MALRD1: variants seen among roughly 807,000 people sequenced by gnomAD.
MALRD1 encodes the protein MAM and LDL-receptor class A domain-containing protein 1.
In MALRD1, 247 loss-of-function variants were observed where a neutral mutation model predicts 242.1. The observed-to-expected ratio is 1.02, with a 90% CI of 0.92 to 1.13. The LOEUF is 1.13. MALRD1 is among the 50% of genes most tolerant of loss of function. The pLI, the probability that MALRD1 is intolerant of heterozygous loss-of-function variation, is 0.00. For synonymous variants in MALRD1, 995 were observed against 866.6 expected, an observed-to-expected ratio of 1.15 and a Z score of -2.60; for missense variants, 2,989 against 2,533.1, an observed-to-expected ratio of 1.18 and a Z score of -3.86.
At position 19,389,508 on chromosome 10, in the gene MALRD1, T is replaced by G; in HGVS notation, c.4744T>G (p.Phe1582Val). 2.6e-6 allele frequency: 4 copies of G among 1,550,628 alleles called. No homozygotes were observed. The highest frequency in any genetic ancestry group is 3.5e-6 in the Non-Finnish European group (4 of 1,146,946). ...AVGLRGDKAHFRSTMWRESSA... is the reference protein window; with the variant it reads ...AVGLRGDKAHVRSTMWRESSA... ...GGGCCTTCGGGGTGACAAAGCACAC[T>G]TCAGGAGTACCATGTGGCGAGAATC... is the stretch of plus-strand genomic sequence containing the variant. The change falls in exon 28 of 40, where the codon TTC becomes GTC. Residue 1582 changes from phenylalanine (F) to valine (V), a missense_variant. Coordinates refer to ENST00000454679, the MANE Select transcript of MALRD1 (RefSeq NM_001142308.3).
chr10:19,392,640 G>T (rs1360814872), intron 28 of MALRD1, among the ~76,000 whole-genome samples: 1 of 152,086 alleles, frequency 6.6e-6, no homozygotes, highest in Non-Finnish European at 1.5e-5. Flanking sequence ...TTTCATTAGA[G>T]AGATGTAACT....
At chr10:19,161,888 C>T (rs549957816) in intron 12 of MALRD1, among the ~76,000 whole-genome samples, 8 of 152,070 alleles carry the variant, frequency 5.3e-5, no homozygotes, top group East Asian at 1.9e-4. Flanking sequence ...ATTAGCTGGG[C>T]GTGGTAGCAC....
intron 13 of MALRD1, among the ~76,000 whole-genome samples, chr10:19,167,834 A>G (rs943220613): frequency 3.1e-4 from 47 of 152,286 alleles, no homozygotes; most frequent in African/African-American, 1.0e-3. Flanking sequence ...AGTAACAGCA[A>G]TGTTACTACA....
intron 38 of MALRD1, among the ~76,000 whole-genome samples, chr10:19,728,015 C>A (rs866921824): frequency 2.6e-5 from 4 of 151,958 alleles, no homozygotes; most frequent in Non-Finnish European, 2.9e-5. Flanking sequence ...AATCTGTGGA[C>A]GGTGTAATAG....
chr10:19,171,425 TATACA>T (rs375487829), intron 13 of MALRD1, among the ~76,000 whole-genome samples: 40,643 of 91,076 alleles, frequency 0.45, 8,210 homozygotes, highest in Admixed American at 0.53. Context: ...TTATATTTTA[TATACA>T]TATATATATA....
rs148576777 is a variant in MALRD1, at chr10:19,271,199, G to A, written c.3080-8848G>A. On this transcript the variant is annotated intron_variant, in intron 19 of 39. Transcript: ENST00000454679. ...AAGAATCAACCCCAAAATCATTAAC[G>A]GTAGAATGGCTAACTACAATATATT... Among the ~76,000 whole-genome samples, 206 of 152,080 alleles carry A rather than the reference G, an allele frequency of 1.4e-3. 2 individuals are homozygous for A. Among genetic ancestry groups the A allele is most frequent in the Admixed American group, 8.8e-3 (135 of 15,260 alleles).
intron 33 of MALRD1, among the ~76,000 whole-genome samples, chr10:19,580,498 T>A (rs1837060860): frequency 1.3e-5 from 2 of 152,176 alleles, no homozygotes; most frequent in Admixed American, 1.3e-4. Context: ...ACTGCCCAGC[T>A]ATCTTCTCCA....
At chr10:19,695,773 C>G (rs1291328803) in intron 38 of MALRD1, among the ~76,000 whole-genome samples, 2 of 152,198 alleles carry the variant, frequency 1.3e-5, no homozygotes, top group African/African-American at 4.8e-5. Context: ...ATCCACCTGC[C>G]TCAGCCTCCC....
chr10:19,520,187 C>T (rs955878107), intron 31 of MALRD1, among the ~76,000 whole-genome samples: 5 of 152,056 alleles, frequency 3.3e-5, no homozygotes, highest in Non-Finnish European at 7.4e-5. Flanking sequence ...AGCATTGAAA[C>T]TCGTGTGTAT....
At chr10:19,245,381 G>A (rs1410345956) in intron 18 of MALRD1, among the ~76,000 whole-genome samples, 1 of 152,000 alleles carries the variant, frequency 6.6e-6, no homozygotes, top group Non-Finnish European at 1.5e-5. Context: ...CAATAGACTA[G>A]GGAAAACATA....
At position 19,221,072 on chromosome 10, in the gene MALRD1, A is replaced by AT. The variant is rs138246752; in HGVS notation, c.2991+11397dup. On this transcript the variant is annotated intron_variant, in intron 18 of 39. Transcript: ENST00000454679. ...ATCTTTTAATAATGAAGGAAAAGAT[A>AT]TTTTTCCCCCAGGAGGATTTTGTAG... Among the ~76,000 whole-genome samples the AT allele has an allele frequency of 0.015, 2,307 of 152,198 alleles. 102 individuals carry two copies. The East Asian group carries it at 0.18, about 12-fold the overall frequency.
At position 19,324,002 on chromosome 10, in the gene MALRD1, G is replaced by T; in HGVS notation, c.3473G>T (p.Gly1158Val). Reference protein sequence around the residue: ...LYADSSNGKFGDTADILTPII... With the variant: ...LYADSSNGKFVDTADILTPII... The stretch of plus-strand genomic sequence containing the variant: ...GCTGACAGTTCTAATGGGAAATTTG[G>T]TGACACGGCTGACATTCTCACTCCT... Residue 1158 changes from glycine to valine, a missense_variant, in exon 22 of 40, where the codon GGT becomes GTT. Gly to Val is a moderately radical substitution (Grantham distance 109, BLOSUM62 -3). Transcript: ENST00000454679. 1 of 1,550,818 alleles carries T rather than the reference G, an allele frequency of 6.4e-7. No individual in the cohort carries two copies.
intron 17 of MALRD1, among the ~76,000 whole-genome samples, chr10:19,207,219 A>C (rs542291832): frequency 6.6e-6 from 1 of 152,360 alleles, no homozygotes; most frequent in South Asian, 2.1e-4. Context: ...GCTAAAATGT[A>C]GAACTACTTG....
chr10:19,242,534 A>T (rs1838837748), intron 18 of MALRD1, among the ~76,000 whole-genome samples: 1 of 151,982 alleles, frequency 6.6e-6, no homozygotes, highest in Non-Finnish European at 1.5e-5. Flanking sequence ...TTTCCTACTA[A>T]TATTGTATTG....
intron 19 of MALRD1, among the ~76,000 whole-genome samples, chr10:19,273,962 A>G (rs887227944): frequency 1.3e-5 from 2 of 152,190 alleles, no homozygotes; most frequent in East Asian, 3.9e-4. Context: ...GATGGCCACT[A>G]TCCAAATAAT....
At chr10:19,213,257 A>G (rs572466289) in intron 18 of MALRD1, among the ~76,000 whole-genome samples, 12 of 152,184 alleles carry the variant, frequency 7.9e-5, no homozygotes, top group South Asian at 2.1e-4. Flanking sequence ...ACTGTCTACT[A>G]TTGCTCTGTT....
intron 18 of MALRD1, among the ~76,000 whole-genome samples, chr10:19,255,309 T>C (rs1471324800): frequency 6.6e-6 from 1 of 151,982 alleles, no homozygotes; most frequent in African/African-American, 2.4e-5. Flanking sequence ...CAATACTGTC[T>C]TATATACAAT....
intron 1 of MALRD1, among the ~76,000 whole-genome samples, chr10:19,055,074 A>G (rs747850381): frequency 6.6e-6 from 1 of 152,052 alleles, no homozygotes; most frequent in Non-Finnish European, 1.5e-5. Context: ...TCTTTCATCT[A>G]TTTTTGATAA....
chr10:19,108,382 TTTTTC>T (rs1836547903), intron 5 of MALRD1, among the ~76,000 whole-genome samples: 2 of 48,126 alleles, frequency 4.2e-5, no homozygotes, highest in African/African-American at 1.5e-4. Context: ...CATGAATTGT[TTTTTC>T]TTTTTTTTTT....
Sources: allele counts gnomAD v4.1 joint callset (sites outside exome capture counted in the v4.1 genomes callset), GRCh38; gene constraint gnomAD v4.1.1; transcripts MANE v1.5; gene names NCBI Gene and HGNC (gene_info 2026-07-23, HGNC 2026-07-21).